Variants in PNPLA7 observed in about 807,000 individuals in gnomAD.
The protein encoded by PNPLA7 is patatin like domain 7, lysophospholipase, also known as patatin-like phospholipase domain-containing protein 7.
Under a neutral mutation model 161.7 loss-of-function variants are expected in PNPLA7, and 153 were observed. The observed-to-expected ratio is 0.95, with a 90% CI of 0.83 to 1.08. PNPLA7 has a LOEUF of 1.08. Ranked by LOEUF, PNPLA7 falls within the 50% of genes least tolerant of loss-of-function variation. The probability of loss-of-function intolerance (pLI) is 0.00; values close to 1 mark genes in which losing one functional copy is unlikely to be tolerated. For missense variants in PNPLA7, 1,739 were observed against 1,856.6 expected, an observed-to-expected ratio of 0.94 and a Z score of 1.16; for synonymous variants, 809 against 782.1, an observed-to-expected ratio of 1.03 and a Z score of -0.57.
intron 12 of PNPLA7, among the ~76,000 whole-genome samples, chr9:137,514,633 G>A (rs1157001648): frequency 2.9e-5 from 4 of 136,536 alleles, no homozygotes; most frequent in African/African-American, 8.3e-5. Context: ...GCTGGGCTGC[G>A]GGCGGGTCAC....
chr9:137,490,861 C>A lies in PNPLA7; in HGVS notation c.2197+2152G>T, dbSNP rs1832728808. Among the ~76,000 whole-genome samples, 1 of 152,272 alleles carries A rather than the reference C, an allele frequency of 6.6e-6. No individual in the cohort carries two copies. On this transcript the variant is annotated intron_variant, in intron 20 of 34. Transcript: ENST00000406427. This position sits in a 1 kb window ranked among gnomAD's most constrained non-coding sequence, Gnocchi z 4.1. Reference sequence around the variant, plus strand: ...TTGGGGCTACAGTTTGACAAAATTACAGAGGTAATAGTTAAGACAACCACA... The same window carrying A: ...TTGGGGCTACAGTTTGACAAAATTAAAGAGGTAATAGTTAAGACAACCACA...
At chr9:137,515,250 G>T in intron 12 of PNPLA7, 129 bp downstream of exon 12, 3 of 1,238,844 alleles carry the variant, frequency 2.4e-6, no homozygotes, top group Non-Finnish European at 3.3e-6. Context: ...GGCCCCCCTG[G>T]GCACGTGGGG....
chr9:137,535,963 T>A (rs1395614427), intron 8 of PNPLA7, among the ~76,000 whole-genome samples: 3 of 151,266 alleles, frequency 2.0e-5, no homozygotes, highest in Non-Finnish European at 2.9e-5. Flanking sequence ...CCATCCTGGC[T>A]AACATGGTGA....
intron 12 of PNPLA7, among the ~76,000 whole-genome samples, chr9:137,514,804 T>C (rs1169589811): frequency 6.9e-6 from 1 of 145,470 alleles, no homozygotes; most frequent in Non-Finnish European, 1.5e-5. Flanking sequence ...ACTGTTGAGG[T>C]GCCCGGGCCC....
In PNPLA7 at chr9:137,480,334, T is replaced by G. The variant is rs2132143242; in HGVS notation, c.2558A>C (p.Asp853Ala). 1 of 1,612,818 alleles carries G rather than the reference T, an allele frequency of 6.2e-7. No homozygotes were observed. ...CACCTCGCCCACTGTGGGCTCCTGG[T>G]CACCCAGGCCCACGATGAGGATGCA... Reference protein sequence around the residue: ...ADCILIVGLGDQEPTVGELER... With the variant: ...ADCILIVGLGAQEPTVGELER... The change falls in exon 23 of 35, where the codon GAC becomes GCC. Residue 853 changes from aspartate to alanine, a missense_variant. This residue lies in a region of PNPLA7 where 192 missense variants were observed against 249.5 expected (regional missense o/e 0.77). Coordinates refer to ENST00000406427, the MANE Select transcript of PNPLA7 (RefSeq NM_001098537.3).
intron 1 of PNPLA7, 25 bp downstream of exon 1, chr9:137,550,143 G>A (rs745449610): frequency 1.2e-6 from 2 of 1,612,638 alleles, no homozygotes; most frequent in Non-Finnish European, 8.5e-7. Context: ...GGAAATCCAG[G>A]CATCTGGTCC....
chr9:137,549,647 T>A (rs1216919592), intron 1 of PNPLA7, among the ~76,000 whole-genome samples: 2 of 149,312 alleles, frequency 1.3e-5, no homozygotes, highest in Non-Finnish European at 3.0e-5. Flanking sequence ...ATACAAAAAT[T>A]AGCCGGGCGT....
intron 8 of PNPLA7, among the ~76,000 whole-genome samples, chr9:137,525,020 G>C (rs1835229330): frequency 6.6e-6 from 1 of 152,228 alleles, no homozygotes; most frequent in South Asian, 2.1e-4. Flanking sequence ...CAATTCACTT[G>C]GGTTTATGCT....
At chr9:137,474,920 C>T (rs1279136105) in intron 25 of PNPLA7, among the ~76,000 whole-genome samples, 1 of 143,300 alleles carries the variant, frequency 7.0e-6, no homozygotes, top group African/African-American at 2.6e-5. Context: ...ACTTGGGAGG[C>T]TGAGGCAGGA....
rs961886085 is a variant in PNPLA7, at chr9:137,479,252, C to T, written c.2581-14G>A. The T allele has an allele frequency of 6.6e-7, 1 of 1,511,360 alleles. No homozygotes were observed. Among genetic ancestry groups the T allele is most frequent in the East Asian group, 2.5e-5 (1 of 40,020 alleles). The allele number at this position is 1,511,360 out of a possible 1,614,324, so 93.6% of individuals were successfully genotyped here. Reference sequence around the variant, plus strand: ...CATCCGCTCCAGCTGAAAGGCAGAGCCCACGTGTCTGCCAGCCGGGTGAGC... The same window carrying T: ...CATCCGCTCCAGCTGAAAGGCAGAGTCCACGTGTCTGCCAGCCGGGTGAGC... On this transcript the variant is annotated splice_polypyrimidine_tract_variant and intron_variant, in intron 23 of 34. Transcript: ENST00000406427.
At chr9:137,527,378 G>A (rs765540757) in intron 8 of PNPLA7, among the ~76,000 whole-genome samples, 3 of 151,960 alleles carry the variant, frequency 2.0e-5, no homozygotes, top group Non-Finnish European at 2.9e-5. Flanking sequence ...GATCAGGCAC[G>A]ATGTTTGCTT....
chr9:137,543,587 C>A lies in PNPLA7; in HGVS notation c.366-15G>T. ...AACGCAGAATCCTACAAGGCAGAGA[C>A]ACACTAGCCTTGAGCAGACCAGGCG... On this transcript the variant is annotated splice_polypyrimidine_tract_variant and intron_variant, in intron 5 of 34. Transcript: ENST00000406427. This position sits in a 1 kb window ranked among gnomAD's most constrained non-coding sequence, Gnocchi z 6.9. 3 of 1,609,134 alleles carry A rather than the reference C, an allele frequency of 1.9e-6. No homozygotes were observed. Among genetic ancestry groups the A allele is most frequent in the Non-Finnish European group, 2.5e-6 (3 of 1,177,522 alleles).
At chr9:137,509,781 C>A in intron 12 of PNPLA7, 1 of 454,580 alleles carries the variant, frequency 2.2e-6, no homozygotes. Context: ...CGGCAAGCCA[C>A]CCAGGCACTG....
intron 7 of PNPLA7, among the ~76,000 whole-genome samples, chr9:137,542,272 G>A (rs922798110): frequency 3.9e-5 from 6 of 152,076 alleles, no homozygotes; most frequent in African/African-American, 1.2e-4. Flanking sequence ...AATTGCTGAT[G>A]AGCCCGGACA....
Position 137,461,582 on chromosome 9 carries a change from G to A in PNPLA7, c.3795C>T (p.Ala1265=), listed in dbSNP as rs766694476. 2.7e-5 allele frequency: 43 copies of A among 1,612,676 alleles called. No individual in the cohort carries two copies. Among genetic ancestry groups the A allele is most frequent in the South Asian group, 3.3e-5 (3 of 91,010 alleles). Residue 1265 remains alanine (A), a synonymous_variant, in exon 33 of 35, where the codon GCC becomes GCT. Transcript: ENST00000406427. ...CGGGCTCAATGCGAGACACAATTTCGGCAAGGTCCGTGAAGGAGGCGTTGG... is the reference window on the plus strand; with the variant it reads ...CGGGCTCAATGCGAGACACAATTTCAGCAAGGTCCGTGAAGGAGGCGTTGG... ...TCPNASFTDL[A]EIVSRIEPAK... is the part of the protein sequence containing the mutation.
rs1452316358 is a variant in PNPLA7 at position 137,476,475 on chromosome 9, G to T, written c.2882+1559C>A. Among the ~76,000 whole-genome samples, 2 of 152,008 alleles carry T rather than the reference G, an allele frequency of 1.3e-5. No individual in the cohort carries two copies. The highest frequency in any genetic ancestry group is 4.8e-5 in the African/African-American group (2 of 41,354). On this transcript the variant is annotated intron_variant, in intron 25 of 34. Transcript: ENST00000406427. This position sits in a 1 kb window ranked among gnomAD's most constrained non-coding sequence, Gnocchi z 4.5. ...TAGTTAGCAGACTCTGATTGCGGGT[G>T]TTGAAGGGGGTTAAGAAGTCAACAA...
At chr9:137,460,541 C>A in intron 34 of PNPLA7, 65 bp from the exon 35 acceptor site, 2 of 1,600,208 alleles carry the variant, frequency 1.2e-6, no homozygotes, top group Non-Finnish European at 1.7e-6. Context: ...GCGCTGGTAA[C>A]CCGGTGGGAC....
Position 137,524,030 on chromosome 9 carries a change from A to T in PNPLA7, c.748-1173T>A, listed in dbSNP as rs1359246428. On this transcript the variant is annotated intron_variant, in intron 8 of 34. Coordinates refer to ENST00000406427, the MANE Select transcript of PNPLA7 (RefSeq NM_001098537.3). The surrounding 1 kb of genome is among the most constrained non-coding windows in gnomAD (Gnocchi z 4.4). Reference sequence around the variant, plus strand: ...GGCAGATTCACCCTTTTTGGTGCACACCTCTAGCATTTTCACCCCCACCAC... The same window carrying T: ...GGCAGATTCACCCTTTTTGGTGCACTCCTCTAGCATTTTCACCCCCACCAC... Among the ~76,000 whole-genome samples the T allele has an allele frequency of 6.6e-6, 1 of 152,008 alleles. No individual in the cohort carries two copies. The highest frequency in any genetic ancestry group is 1.5e-5 in the Non-Finnish European group (1 of 67,980).
chr9:137,481,387 A>G lies in PNPLA7; in HGVS notation c.2348-364T>C, dbSNP rs144173490. ...CAGGGAAGGCTGTGCGATGGGAGAT[A>G]ACGTAATTTCCAAAACCCAGATCAT... On this transcript the variant is annotated intron_variant, in intron 21 of 34. Coordinates refer to ENST00000406427, the MANE Select transcript of PNPLA7 (RefSeq NM_001098537.3). 1.9e-3 allele frequency among the ~76,000 whole-genome samples: 293 copies of G among 152,314 alleles called. 1 individual carries two copies. The highest frequency in any genetic ancestry group is 0.017 in the South Asian group (83 of 4,828).
Sources: gnomAD v4.1 joint callset for allele counts (sites outside exome capture counted in the v4.1 genomes callset) on GRCh38, gnomAD v4.1.1 for gene constraint, gnomAD v4.1.1 regional missense constraint, Gnocchi (gnomAD v3.1) non-coding constraint, MANE v1.5 for transcripts, NCBI Gene and HGNC (gene_info 2026-07-23, HGNC 2026-07-21) for gene names.